NECAB1: variants seen among roughly 807,000 people sequenced by gnomAD.
The protein encoded by NECAB1 is N-terminal EF-hand calcium binding protein 1.
Under a neutral mutation model 57.5 loss-of-function variants are expected in NECAB1, and 29 were observed. The observed-to-expected ratio is 0.50, with a 90% CI of 0.38 to 0.69. NECAB1 has a LOEUF of 0.69. Ranked by LOEUF, NECAB1 falls within the 30% of genes least tolerant of loss-of-function variation. The probability of loss-of-function intolerance (pLI) is 0.00; values close to 1 mark genes in which losing one functional copy is unlikely to be tolerated. For synonymous variants in NECAB1, 142 were observed against 147.7 expected (o/e 0.96, Z 0.28); for missense variants, 372 against 413.8 (o/e 0.90, Z 0.88).
At chr8:90,876,000 ACT>A (rs1050526682) in intron 4 of NECAB1, among the ~76,000 whole-genome samples, 2 of 152,030 alleles carry the variant, frequency 1.3e-5, no homozygotes, top group African/African-American at 2.4e-5. Context: ...ACAGAGCAAG[ACT>A]CTGTCTCAAA....
intron 2 of NECAB1, among the ~76,000 whole-genome samples, chr8:90,816,440 T>C (rs1812062615): frequency 6.6e-6 from 1 of 151,856 alleles, no homozygotes; most frequent in Non-Finnish European, 1.5e-5. Context: ...ACTTAGATTT[T>C]CTCCTAATTT....
In NECAB1 at chr8:90,858,639, G is replaced by A. The variant is rs114845490; in HGVS notation, c.234-13489G>A. 3.0e-3 allele frequency among the ~76,000 whole-genome samples: 451 copies of A among 149,678 alleles called. 4 individuals are homozygous for A. Among genetic ancestry groups the A allele is most frequent in the Middle Eastern group, 0.011 (3 of 282 alleles). ...ACAATTTGAAGAAAAAAAAAAAACA[G>A]CAAATGTAATTCCTCAGAAAGACCC... On this transcript the variant is annotated intron_variant, in intron 3 of 12. Coordinates refer to ENST00000417640, the MANE Select transcript of NECAB1 (RefSeq NM_022351.5).
chr8:90,842,141 A>G (rs1024325694), intron 3 of NECAB1, among the ~76,000 whole-genome samples: 4 of 152,146 alleles, frequency 2.6e-5, no homozygotes, highest in Non-Finnish European at 5.9e-5. Context: ...CATGGCACAC[A>G]TTTACATATA....
chr8:90,914,254 T>G (rs7815521), intron 5 of NECAB1, among the ~76,000 whole-genome samples: 4,917 of 152,128 alleles, frequency 0.032, 253 homozygotes, highest in African/African-American at 0.11. Context: ...AACATCACAA[T>G]GAAAAATTCT....
chr8:90,900,919 A>G (rs1189188825), intron 5 of NECAB1, among the ~76,000 whole-genome samples: 1 of 152,218 alleles, frequency 6.6e-6, no homozygotes, highest in Non-Finnish European at 1.5e-5. Flanking sequence ...ATGATTTTTC[A>G]GTAAGATAAA....
intron 12 of NECAB1, among the ~76,000 whole-genome samples, chr8:90,952,640 GGTGGGGCATGCCTGTAATCCTA>G (rs1810944236): frequency 6.6e-6 from 1 of 152,002 alleles, no homozygotes; most frequent in Admixed American, 6.6e-5. Context: ...AGCTGGGCAT[GGTGGGGCATGCCTGTAATCCTA>G]GCTGCTCAGG....
chr8:90,920,240 CCCT>C (rs1299769917), intron 6 of NECAB1, among the ~76,000 whole-genome samples: 1 of 152,098 alleles, frequency 6.6e-6, no homozygotes, highest in Non-Finnish European at 1.5e-5. Flanking sequence ...GTGATATTCC[CCCT>C]GAGAGGTTTA....
At chr8:90,853,863 CT>C (rs1812737351) in intron 3 of NECAB1, among the ~76,000 whole-genome samples, 1 of 152,090 alleles carries the variant, frequency 6.6e-6, no homozygotes, top group East Asian at 1.9e-4. Flanking sequence ...ATCTGTCCCC[CT>C]AACCCACTAA....
intron 6 of NECAB1, among the ~76,000 whole-genome samples, chr8:90,919,065 G>A (rs1338038259): frequency 6.6e-6 from 1 of 151,962 alleles, no homozygotes; most frequent in Non-Finnish European, 1.5e-5. Flanking sequence ...AGGTATCACT[G>A]AGAAAATAAG....
intron 9 of NECAB1, among the ~76,000 whole-genome samples, chr8:90,938,201 C>T (rs1242940741): frequency 3.3e-5 from 5 of 152,180 alleles, no homozygotes; most frequent in African/African-American, 1.2e-4. Flanking sequence ...TGAGACTGGC[C>T]TTTCATACTT....
intron 6 of NECAB1, among the ~76,000 whole-genome samples, chr8:90,922,658 A>T (rs1455371680): frequency 6.6e-6 from 1 of 151,664 alleles, no homozygotes; most frequent in Admixed American, 6.6e-5. Context: ...ATGCCCAGCT[A>T]ATTTTTGTGT....
Position 90,819,046 on chromosome 8 carries a change from T to G in NECAB1, c.125-5671T>G, listed in dbSNP as rs541207440. On this transcript the variant is annotated intron_variant, in intron 2 of 12. Coordinates refer to ENST00000417640, the MANE Select transcript of NECAB1 (RefSeq NM_022351.5). ...TACCGACATTTCTATTGACCTATCC[T>G]CAAGTTCTTTCATTCTTTCTTCAGC... Among the ~76,000 whole-genome samples the G allele has an allele frequency of 1.2e-4, 18 of 152,034 alleles. No homozygotes were observed. In the South Asian group the frequency reaches 3.7e-3, roughly 32 times the overall value.
At chr8:90,922,837 TTTAG>T (rs1810158605) in intron 6 of NECAB1, among the ~76,000 whole-genome samples, 1 of 151,940 alleles carries the variant, frequency 6.6e-6, no homozygotes, top group Admixed American at 6.6e-5. Flanking sequence ...CATAGGGAGA[TTTAG>T]TTAAAGATTG....
chr8:90,917,980 ATATATACATATATGTGTGTGTG>A lies in NECAB1; in HGVS notation c.494+359_494+380del, dbSNP rs1563533503. Reference sequence around the variant, plus strand: ...CACACACATATGTGTGTGTGTGTATATATATACATATATGTGTGTGTGTATATATATATATTTCTTTTTTTTT... The same window carrying A: ...CACACACATATGTGTGTGTGTGTATATATATATATATATTTCTTTTTTTTT... On this transcript the variant is annotated intron_variant, in intron 6 of 12. Coordinates refer to ENST00000417640, the MANE Select transcript of NECAB1 (RefSeq NM_022351.5). Among the ~76,000 whole-genome samples, 40 of 133,168 alleles carry A rather than the reference ATATATACATATATGTGTGTGTG, an allele frequency of 3.0e-4. 1 individual carries two copies. The highest frequency in any genetic ancestry group is 1.2e-3 in the East Asian group (5 of 4,216). 87.4% of individuals were successfully genotyped at this position (133,168 alleles called of 152,430 possible). A position where few individuals can be genotyped will look rare whatever the true frequency, so the allele number is the denominator to read the frequency against.
At chr8:90,801,615 A>G in intron 1 of NECAB1, 76 bp from the exon 2 acceptor site, 3 of 851,086 alleles carry the variant, frequency 3.5e-6, no homozygotes, top group Non-Finnish European at 5.5e-6. Flanking sequence ...ATTATGAATA[A>G]ATTATGTGTA....
chr8:90,838,236 A>C (rs1403301807), intron 3 of NECAB1, among the ~76,000 whole-genome samples: 1 of 152,218 alleles, frequency 6.6e-6, no homozygotes, highest in East Asian at 1.9e-4. Context: ...TTTAAGTGAA[A>C]CAATATATAA....
At chr8:90,876,262 C>T (rs1808724614) in intron 4 of NECAB1, among the ~76,000 whole-genome samples, 1 of 152,080 alleles carries the variant, frequency 6.6e-6, no homozygotes. Context: ...GCACATGTCA[C>T]TGATGATTGA....
chr8:90,800,257 C>T (rs750485503), intron 1 of NECAB1, among the ~76,000 whole-genome samples: 4 of 152,058 alleles, frequency 2.6e-5, no homozygotes, highest in African/African-American at 9.7e-5. Flanking sequence ...TGAAGAGAGA[C>T]CATTTGGCTT....
intron 5 of NECAB1, among the ~76,000 whole-genome samples, chr8:90,908,697 A>C (rs1809754674): frequency 6.6e-6 from 1 of 152,166 alleles, no homozygotes; most frequent in African/African-American, 2.4e-5. Context: ...TCATGATCAT[A>C]AGGCAAACAC....
Sources: allele counts gnomAD v4.1 joint callset (sites outside exome capture counted in the v4.1 genomes callset), GRCh38; gene constraint gnomAD v4.1.1; transcripts MANE v1.5; gene names NCBI Gene and HGNC (gene_info 2026-07-23, HGNC 2026-07-21).